The following PECR variants were observed in gnomAD, a reference collection of about 807,000 sequenced individuals.
PECR encodes peroxisomal trans-2-enoyl-CoA reductase.
PECR carries 30 observed loss-of-function variants against 35.3 expected under a neutral mutation model. The ratio of observed to expected loss-of-function variants is 0.85; its 90% confidence interval spans 0.64 to 1.15. The LOEUF is 1.15. Among genes scored for constraint, PECR ranks in the 50% most tolerant of loss-of-function variants. The pLI, the probability that PECR is intolerant of heterozygous loss-of-function variation, is 0.00. For synonymous variants in PECR, 148 were observed against 138.9 expected (o/e 1.07, Z -0.46); for missense variants, 392 against 370.8 (o/e 1.06, Z -0.47).
Position 216,065,326 on chromosome 2 carries a change from T to C in PECR, c.410A>G (p.Tyr137Cys), listed in dbSNP as rs1472227430. 1 of 1,610,400 alleles carries C rather than the reference T, an allele frequency of 6.2e-7. No individual in the cohort carries two copies. The highest frequency in any genetic ancestry group is 8.5e-7 in the Non-Finnish European group (1 of 1,176,574). ...ATGGTACTTGCCTGCTTTGCACATG[T>C]AGAAGGTACCCGTCAGGTTGGTCTC... is the stretch of plus-strand genomic sequence containing the variant. Reference protein sequence around the residue: ...VLETNLTGTFYMCKAVYSSWM... With the variant: ...VLETNLTGTFCMCKAVYSSWM... Residue 137 changes from tyrosine (Y) to cysteine (C), a missense_variant, in exon 3 of 8, where the codon TAC becomes TGC. By Grantham distance (194) the Tyr-to-Cys change is radical. Transcript: ENST00000265322.
downstream of PECR, among the ~76,000 whole-genome samples, chr2:216,035,967 G>A (rs1360270340): frequency 3.3e-5 from 5 of 152,118 alleles, no homozygotes; most frequent in Non-Finnish European, 5.9e-5. Flanking sequence ...TGGTTTCTGC[G>A]TCACTCCTCA....
Position 216,065,445 on chromosome 2 carries a change from A to G in PECR, c.291T>C (p.Thr97=), listed in dbSNP as rs1695445664. The change falls in exon 3 of 8, where the codon ACT becomes ACC. Residue 97 remains threonine (T), a synonymous_variant. Coordinates refer to ENST00000265322, the MANE Select transcript of PECR (RefSeq NM_018441.6). ...TCACCAAGAAATTGATCTTACCAAA[A>G]GTATCTAAGGTAGATTTGACCAAAT... ...VNNLVKSTLD[T]FGKINFLVNN... 6.2e-7 allele frequency: 1 copy of G among 1,608,184 alleles called. No individual in the cohort carries two copies. Among genetic ancestry groups the G allele is most frequent in the Non-Finnish European group, 8.5e-7 (1 of 1,174,626 alleles).
At chr2:216,057,627 G>A (rs1343013641) in intron 4 of PECR, 1 of 152,112 alleles carries the variant, frequency 6.6e-6, no homozygotes, top group East Asian at 1.9e-4. Context: ...AGGAAAAGAA[G>A]GTAGAGTGGT....
chr2:216,070,281 T>C (rs966068720), intron 1 of PECR, among the ~76,000 whole-genome samples: 1 of 152,258 alleles, frequency 6.6e-6, no homozygotes, highest in Non-Finnish European at 1.5e-5. Context: ...ATCTATCACC[T>C]CTTATCATTT....
At chr2:216,057,428 A>G (rs1252565961) in intron 4 of PECR, among the ~76,000 whole-genome samples, 1 of 152,184 alleles carries the variant, frequency 6.6e-6, no homozygotes, top group Non-Finnish European at 1.5e-5. Context: ...TCATTTGAGA[A>G]CATCAAGATA....
At chr2:216,055,089 G>A (rs1695197987) in intron 4 of PECR, among the ~76,000 whole-genome samples, 1 of 147,776 alleles carries the variant, frequency 6.8e-6, no homozygotes, top group Non-Finnish European at 1.5e-5. Flanking sequence ...TCCAGCCTGG[G>A]TGATAGAGCG....
At chr2:216,057,902 G>C (rs1695259728) in intron 4 of PECR, 1 of 152,150 alleles carries the variant, frequency 6.6e-6, no homozygotes, top group East Asian at 1.9e-4. Context: ...TTGCTGGCAT[G>C]ACTTGAGAGG....
At chr2:216,030,264 T>C (rs1483235316) in intron 7 of PECR, among the ~76,000 whole-genome samples, 2 of 152,172 alleles carry the variant, frequency 1.3e-5, no homozygotes, top group Non-Finnish European at 2.9e-5. Flanking sequence ...ATCTCTTCAT[T>C]GTCCTTGGTG....
chr2:216,042,999 ATATG>A (rs1694918266), intron 7 of PECR, among the ~76,000 whole-genome samples: 1 of 144,478 alleles, frequency 6.9e-6, no homozygotes, highest in Non-Finnish European at 1.5e-5. Flanking sequence ...ATACATACGT[ATATG>A]TGTATATATA....
rs1011919932 is a variant in PECR, at chr2:216,048,865, A to G, written c.714+398T>C. Among the ~76,000 whole-genome samples the G allele has an allele frequency of 5.5e-3, 832 of 151,082 alleles. 15 individuals carry two copies. Among genetic ancestry groups the G allele is most frequent in the African/African-American group, 0.019 (787 of 41,218 alleles). ...AAGCAAAAAAAAAAAAAAAAAAAAA[A>G]ACCGCTGCTGGCAGTTTGGAAAGCT... On this transcript the variant is annotated intron_variant, in intron 6 of 7. Coordinates refer to ENST00000265322, the MANE Select transcript of PECR (RefSeq NM_018441.6).
Position 216,038,781 on chromosome 2 carries a change from G to T in PECR, c.*494C>A, listed in dbSNP as rs1391168561. The T allele has an allele frequency of 1.2e-5, 2 of 169,142 alleles. No homozygotes were observed. Among genetic ancestry groups the T allele is most frequent in the Admixed American group, 1.1e-4 (2 of 17,426 alleles). 10.5% of individuals were successfully genotyped at this position (169,142 alleles called of 1,614,324 possible). On this transcript the variant is annotated 3_prime_UTR_variant, in exon 8 of 8. Transcript: ENST00000265322. ...GTGTGCCACCACACCCGACTAATTTGTGTTTTTGTTTTTGTTGTTTTTCAG... is the reference window on the plus strand; with the variant it reads ...GTGTGCCACCACACCCGACTAATTTTTGTTTTTGTTTTTGTTGTTTTTCAG...
intron 2 of PECR, 125 bp downstream of exon 2, chr2:216,066,260 C>T: frequency 1.2e-6 from 1 of 834,580 alleles, no homozygotes; most frequent in South Asian, 1.3e-5. Context: ...TCTTTCACAG[C>T]CTCTGCTTCT....
Position 216,043,950 on chromosome 2 carries a change from A to G in PECR, c.780T>C (p.Asp260=). 1 of 1,612,466 alleles carries G rather than the reference A, an allele frequency of 6.2e-7. No individual in the cohort carries two copies. Among genetic ancestry groups the G allele is most frequent in the African/African-American group, 1.3e-5 (1 of 74,988 alleles). ...TATAGAGACTCCGGCCCCCATCCAC[A>G]TCCACCGACTGTCCAGTGATGAAGG... ...AASFITGQSV[D]VDGGRSLYTH... is the part of the protein sequence containing the mutation. Residue 260 remains aspartate, a synonymous_variant, in exon 7 of 8, where the codon GAT becomes GAC. Transcript: ENST00000265322.
At chr2:216,075,687 A>G (rs1438190524) in intron 1 of PECR, among the ~76,000 whole-genome samples, 1 of 152,214 alleles carries the variant, frequency 6.6e-6, no homozygotes, top group East Asian at 1.9e-4. Flanking sequence ...TTTCAACATC[A>G]GAGGCTTGTA....
intron 1 of PECR, among the ~76,000 whole-genome samples, chr2:216,073,687 GTATGTTTAGA>G (rs1273158889): frequency 2.0e-5 from 3 of 151,218 alleles, no homozygotes; most frequent in African/African-American, 4.9e-5. Flanking sequence ...TATATCTTTT[GTATGTTTAGA>G]TATGTTTAGA....
chr2:216,045,951 G>A (rs983692126), intron 6 of PECR, among the ~76,000 whole-genome samples: 4 of 152,132 alleles, frequency 2.6e-5, no homozygotes, highest in Admixed American at 6.5e-5. Flanking sequence ...GCCGAGGCAG[G>A]TGGATCACCT....
Position 216,049,381 on chromosome 2 carries a change from T to A in PECR, c.604-8A>T. Reference sequence around the variant, plus strand: ...CTGGGAATAAATAACTCCCTGTGTTTAAAAATAAAACAGGGACAAAATAAA... The same window carrying A: ...CTGGGAATAAATAACTCCCTGTGTTAAAAAATAAAACAGGGACAAAATAAA... On this transcript the variant is annotated splice_region_variant and splice_polypyrimidine_tract_variant and intron_variant, in intron 5 of 7. Coordinates refer to ENST00000265322, the MANE Select transcript of PECR (RefSeq NM_018441.6). 8.4e-7 allele frequency: 1 copy of A among 1,186,094 alleles called. No homozygotes were observed. The highest frequency in any genetic ancestry group is 1.3e-6 in the Non-Finnish European group (1 of 789,858). 73.5% of individuals were successfully genotyped at this position (1,186,094 alleles called of 1,614,324 possible). A position where few individuals can be genotyped will look rare whatever the true frequency, so the allele number is the denominator to read the frequency against.
intron 6 of PECR, among the ~76,000 whole-genome samples, chr2:216,048,812 A>T (rs981129708): frequency 7.3e-6 from 1 of 137,232 alleles, no homozygotes; most frequent in East Asian, 2.4e-4. Context: ...CACTATACTT[A>T]GCCTGTAACA....
chr2:216,035,598 T>C (rs1047104107), downstream of PECR, among the ~76,000 whole-genome samples: 2 of 151,880 alleles, frequency 1.3e-5, no homozygotes, highest in African/African-American at 4.8e-5. Context: ...GTGATTCTCC[T>C]GCCTTAGCTT....
Sources: allele counts gnomAD v4.1 joint callset (sites outside exome capture counted in the v4.1 genomes callset), GRCh38; gene constraint gnomAD v4.1.1; transcripts MANE v1.5; gene names NCBI Gene and HGNC (gene_info 2026-07-23, HGNC 2026-07-21).